The following RNLS variants were observed in gnomAD, a reference collection of about 807,000 sequenced individuals.
RNLS encodes the protein renalase, FAD dependent amine oxidase.
RNLS carries 39 observed loss-of-function variants against 39.8 expected under a neutral mutation model. The ratio of observed to expected loss-of-function variants is 0.98; its 90% CI spans 0.76 to 1.28. The LOEUF (loss-of-function observed/expected upper bound fraction) is 1.28, where lower values mean the gene tolerates loss of function less well. Ranked by LOEUF, RNLS falls within the 50% of genes most tolerant of loss-of-function variation. The pLI, the probability that RNLS is intolerant of heterozygous loss-of-function variation, is 0.00. For missense variants in RNLS, 410 were observed against 413.3 expected (o/e 0.99, Z 0.07); for synonymous variants, 147 against 150.7 (o/e 0.98, Z 0.18).
At chr10:88,355,733 C>T (rs1176388111) in intron 5 of RNLS, among the ~76,000 whole-genome samples, 1 of 152,186 alleles carries the variant, frequency 6.6e-6, no homozygotes, top group East Asian at 1.9e-4. Flanking sequence ...CTACTCTCTT[C>T]AAAGCTGTCA....
chr10:88,304,894 G>A (rs984539403), intron 6 of RNLS, among the ~76,000 whole-genome samples: 6 of 152,120 alleles, frequency 3.9e-5, no homozygotes, highest in Admixed American at 2.0e-4. Context: ...ATAATTGTGA[G>A]ATTCTCCAAG....
At chr10:88,516,282 C>A (rs548815849) in intron 4 of RNLS, among the ~76,000 whole-genome samples, 1 of 152,094 alleles carries the variant, frequency 6.6e-6, no homozygotes, top group Non-Finnish European at 1.5e-5. Context: ...TAGAGGAATA[C>A]AGAAACATTC....
intron 4 of RNLS, among the ~76,000 whole-genome samples, chr10:88,537,907 T>C (rs1359537240): frequency 6.6e-6 from 1 of 152,166 alleles, no homozygotes; most frequent in Non-Finnish European, 1.5e-5. Context: ...ATGAAAAAGA[T>C]AGTATTGATG....
the RNLS span, among the ~76,000 whole-genome samples, chr10:88,219,601 C>T: frequency 6.6e-6 from 1 of 152,166 alleles, no homozygotes; most frequent in Non-Finnish European, 1.5e-5. Flanking sequence ...TGCTTCCCTC[C>T]CTTAGTCATA....
At chr10:88,324,550 T>C (rs1280679089) in intron 5 of RNLS, among the ~76,000 whole-genome samples, 2 of 151,964 alleles carry the variant, frequency 1.3e-5, no homozygotes, top group Non-Finnish European at 2.9e-5. Context: ...TTCTAGACAC[T>C]GGGCACTCCA....
rs1044659134 is a variant in RNLS at position 88,362,604 on chromosome 10, G to A, written c.648C>T (p.Thr216=). 6.2e-7 allele frequency: 1 copy of A among 1,613,722 alleles called. No homozygotes were observed. The highest frequency in any genetic ancestry group is 1.3e-5 in the African/African-American group (1 of 74,874). ...AGACGAAGCGTATGCAGGGATTACT[G>A]GTGATGTACTGCCCAGCCCAAGGGA... ...IDVPWAGQYI[T]SNPCIRFVSI... The change falls in exon 5 of 7, where the codon ACC becomes ACT. Residue 216 remains threonine (T), a synonymous_variant. Coordinates refer to ENST00000331772, the MANE Select transcript of RNLS (RefSeq NM_001031709.3).
chr10:88,462,818 C>A (rs1843000218), intron 4 of RNLS, among the ~76,000 whole-genome samples: 1 of 133,194 alleles, frequency 7.5e-6, no homozygotes. Flanking sequence ...AAATATTTGT[C>A]CTGCTAAGGA....
chr10:88,427,039 C>T (rs2133789958), intron 4 of RNLS, among the ~76,000 whole-genome samples: 1 of 152,098 alleles, frequency 6.6e-6, no homozygotes, highest in African/African-American at 2.4e-5. Context: ...GATTAAGCAT[C>T]TATATGTGTC....
chr10:88,389,683 G>C (rs1852082593), intron 4 of RNLS, among the ~76,000 whole-genome samples: 1 of 152,100 alleles, frequency 6.6e-6, no homozygotes, highest in Non-Finnish European at 1.5e-5. Flanking sequence ...TAAAGCTAAA[G>C]CCCTATCTAG....
At chr10:88,286,010 C>G (rs1356109421) in intron 6 of RNLS, among the ~76,000 whole-genome samples, 1 of 152,070 alleles carries the variant, frequency 6.6e-6, no homozygotes, top group Non-Finnish European at 1.5e-5. Flanking sequence ...AGAATGAGGG[C>G]TCTCACCAGA....
At chr10:88,392,808 C>T in intron 4 of RNLS, among the ~76,000 whole-genome samples, 1 of 152,172 alleles carries the variant, frequency 6.6e-6, no homozygotes, top group South Asian at 2.1e-4. Flanking sequence ...TATAAACTGT[C>T]TCTCAGGCAC....
intron 4 of RNLS, among the ~76,000 whole-genome samples, chr10:88,363,973 TTTAGGAAAATGGGACAAGAAAAAATAC>T (rs1371871086): frequency 6.6e-6 from 1 of 152,122 alleles, no homozygotes; most frequent in African/African-American, 2.4e-5. Context: ...AGAAAAAATA[TTTAGGAAAATGGGACAAGAAAAAATAC>T]TTAGGAAAAT....
the RNLS span, among the ~76,000 whole-genome samples, chr10:88,244,520 T>A: frequency 6.6e-6 from 1 of 152,218 alleles, no homozygotes; most frequent in Non-Finnish European, 1.5e-5. Context: ...ACTGCTTTGC[T>A]GTGTTTCTTT....
At chr10:88,561,221 T>C (rs964210395) in intron 4 of RNLS, among the ~76,000 whole-genome samples, 4 of 152,144 alleles carry the variant, frequency 2.6e-5, no homozygotes, top group African/African-American at 7.2e-5. Context: ...GAGTTCAACA[T>C]AGAGACGTTG....
chr10:88,556,373 CCAT>C (rs1394261817), intron 4 of RNLS, among the ~76,000 whole-genome samples: 1 of 152,174 alleles, frequency 6.6e-6, no homozygotes, highest in Non-Finnish European at 1.5e-5. Flanking sequence ...GTCCATGCCA[CCAT>C]CATTTCTGGT....
At chr10:88,442,596 C>A (rs1320581608) in intron 4 of RNLS, among the ~76,000 whole-genome samples, 2 of 152,060 alleles carry the variant, frequency 1.3e-5, no homozygotes, top group African/African-American at 2.4e-5. Flanking sequence ...GCTGACCACA[C>A]TTTTCTTACC....
intron 4 of RNLS, among the ~76,000 whole-genome samples, chr10:88,499,483 C>T (rs888113486): frequency 6.6e-6 from 1 of 152,064 alleles, no homozygotes; most frequent in African/African-American, 2.4e-5. Flanking sequence ...GTTAGAAGTT[C>T]TTACGAAAAA....
intron 5 of RNLS, among the ~76,000 whole-genome samples, chr10:88,315,912 G>A (rs181266373): frequency 8.5e-5 from 13 of 152,164 alleles, no homozygotes; most frequent in South Asian, 8.3e-4. Flanking sequence ...TAAGCTATGG[G>A]AATGGAAGCA....
At chr10:88,192,324 A>G in the RNLS span, among the ~76,000 whole-genome samples, 1 of 152,212 alleles carries the variant, frequency 6.6e-6, no homozygotes, top group Non-Finnish European at 1.5e-5. Context: ...ATTATTTAGC[A>G]CAGCACCTGG....
Sources: allele counts gnomAD v4.1 joint callset (sites outside exome capture counted in the v4.1 genomes callset), GRCh38; gene constraint gnomAD v4.1.1; transcripts MANE v1.5; gene names NCBI Gene and HGNC (gene_info 2026-07-23, HGNC 2026-07-21).